Variants in MTIF2 observed in about 807,000 individuals in gnomAD.
MTIF2 encodes the protein mitochondrial translational initiation factor 2, also known as translation initiation factor IF-2, mitochondrial.
Under a neutral mutation model 83.5 loss-of-function variants are expected in MTIF2, and 71 were observed. The ratio of observed to expected loss-of-function variants is 0.85; its 90% CI spans 0.70 to 1.04. The LOEUF is 1.04. Among genes scored for constraint, MTIF2 ranks in the 50% least tolerant of loss-of-function variants. The pLI is 0.00. For missense variants in MTIF2, 957 were observed against 846.5 expected, an observed-to-expected ratio of 1.13 and a Z score of -1.62; for synonymous variants, 319 against 287.1, an observed-to-expected ratio of 1.11 and a Z score of -1.12.
intron 6 of MTIF2, among the ~76,000 whole-genome samples, 177 bp from the exon 7 acceptor site, chr2:55,254,378 C>CTACCTG (rs1202506874): frequency 6.6e-6 from 1 of 152,114 alleles, no homozygotes; most frequent in African/African-American, 2.4e-5. Context: ...AACTGCCTAC[C>CTACCTG]TACCTGTGGT....
intron 5 of MTIF2, among the ~76,000 whole-genome samples, chr2:55,261,136 G>A (rs1188391113): frequency 1.3e-5 from 2 of 151,870 alleles, no homozygotes; most frequent in Non-Finnish European, 2.9e-5. Flanking sequence ...ACAGGCGCCC[G>A]CCACTAGGCC....
intron 5 of MTIF2, among the ~76,000 whole-genome samples, chr2:55,257,330 A>G (rs1218951832): frequency 1.3e-5 from 2 of 152,030 alleles, no homozygotes; most frequent in African/African-American, 4.8e-5. Context: ...AAATACAAAA[A>G]ATTAGCTGGG....
chr2:55,249,734 T>C (rs1676958463), intron 8 of MTIF2, among the ~76,000 whole-genome samples, 200 bp from the exon 9 acceptor site: 1 of 152,058 alleles, frequency 6.6e-6, no homozygotes, highest in African/African-American at 2.4e-5. Context: ...AGATGCAAGA[T>C]GTTAAAAGTA....
intron 14 of MTIF2, among the ~76,000 whole-genome samples, chr2:55,237,633 T>C (rs1355944954): frequency 1.4e-5 from 2 of 145,796 alleles, no homozygotes; most frequent in African/African-American, 2.5e-5. Flanking sequence ...GGCTATTCTT[T>C]TCCTTTTCTT....
At chr2:55,262,728 TTG>T (rs869269959) in intron 4 of MTIF2, among the ~76,000 whole-genome samples, 12 of 149,324 alleles carry the variant, frequency 8.0e-5, no homozygotes, top group East Asian at 2.0e-4. Flanking sequence ...TTTTTTTTTT[TTG>T]TTTTTTGTTT....
At chr2:55,251,564 G>C (rs1033312782) in intron 8 of MTIF2, among the ~76,000 whole-genome samples, 2 of 152,146 alleles carry the variant, frequency 1.3e-5, no homozygotes, top group African/African-American at 4.8e-5. Context: ...ACTTTATCGA[G>C]TACATTTTCT....
intron 15 of MTIF2, 133 bp downstream of exon 15, chr2:55,237,155 G>C (rs1388803654): frequency 2.9e-6 from 3 of 1,030,348 alleles, no homozygotes; most frequent in Non-Finnish European, 2.8e-6. Context: ...ACAATTTAGG[G>C]GTTTCAATAG....
At chr2:55,257,212 G>A (rs1346394282) in intron 5 of MTIF2, among the ~76,000 whole-genome samples, 1 of 152,152 alleles carries the variant, frequency 6.6e-6, no homozygotes, top group African/African-American at 2.4e-5. Flanking sequence ...GGGTGCGGTG[G>A]CTCACACCTA....
intron 13 of MTIF2, 138 bp downstream of exon 13, chr2:55,242,802 G>C (rs553874992): frequency 4.8e-4 from 382 of 788,746 alleles, no homozygotes; most frequent in Non-Finnish European, 5.7e-4. Flanking sequence ...ATTGCTAGCT[G>C]GGACTGGACT....
At chr2:55,262,556 T>TTC in intron 4 of MTIF2, 129 bp from the exon 5 acceptor site, 1 of 617,426 alleles carries the variant, frequency 1.6e-6, no homozygotes, top group Non-Finnish European at 2.7e-6. Context: ...TTTTTTTTTT[T>TTC]TTTTGAGACA....
intron 13 of MTIF2, among the ~76,000 whole-genome samples, chr2:55,241,621 T>C (rs1156996684): frequency 6.6e-6 from 1 of 151,522 alleles, no homozygotes; most frequent in East Asian, 1.9e-4. Context: ...GGTGGGTGGA[T>C]CACGTGAGGT....
rs1177740212 is a variant in MTIF2, at chr2:55,243,919, C to T, written c.1311+110G>A. 34 of 1,060,676 alleles carry T rather than the reference C, an allele frequency of 3.2e-5. No homozygotes were observed. The East Asian group carries it at 8.4e-4, about 26-fold the overall frequency. The allele number at this position is 1,060,676 out of a possible 1,614,324, so 65.7% of individuals were successfully genotyped here. ...AGCACAACTTGCATCCTCACAGCCC[C>T]TTATAATCTAGATTTGTTAACATTA... is the stretch of plus-strand genomic sequence containing the variant. On this transcript the variant is annotated intron_variant, in intron 11 of 15. Transcript: ENST00000263629.
chr2:55,243,968 G>A, intron 11 of MTIF2, 61 bp downstream of exon 11: 2 of 1,342,234 alleles, frequency 1.5e-6, no homozygotes, highest in South Asian at 1.4e-5. Flanking sequence ...GTATAACATT[G>A]TAAACTGGCA....
At chr2:55,261,396 A>G (rs976981345) in intron 5 of MTIF2, among the ~76,000 whole-genome samples, 1 of 151,956 alleles carries the variant, frequency 6.6e-6, no homozygotes. Context: ...ACTTGAGGTC[A>G]GGAATTTGAG....
chr2:55,244,098 C>T lies in MTIF2; in HGVS notation c.1242G>A (p.Met414Ile). 1 of 1,614,146 alleles carries T rather than the reference C, an allele frequency of 6.2e-7. No individual in the cohort carries two copies. Among genetic ancestry groups the T allele is most frequent in the Non-Finnish European group, 8.5e-7 (1 of 1,180,012 alleles). Reference sequence around the variant, plus strand: ...CTCTCCAGCCTGTAATTCCCACTGGCATGCTGGGATAGGCCTCATCAATTG... The same window carrying T: ...CTCTCCAGCCTGTAATTCCCACTGGTATGCTGGGATAGGCCTCATCAATTG... ...GKTIDEAYPS[M>I]PVGITGWRDL... The change falls in exon 11 of 16, where the codon ATG becomes ATA. Residue 414 changes from methionine (M) to isoleucine (I), a missense_variant. Coordinates refer to ENST00000263629, the MANE Select transcript of MTIF2 (RefSeq NM_002453.3).
rs1573923565 is a variant in MTIF2 at position 55,263,750 on chromosome 2, A to C, written c.109T>G (p.Phe37Val). The change falls in exon 4 of 16, where the codon TTT becomes GTT. Residue 37 changes from phenylalanine (F) to valine (V), a missense_variant. Coordinates refer to ENST00000263629, the MANE Select transcript of MTIF2 (RefSeq NM_002453.3). ...RRALRQWRHG[F>V]SSAYPVWTAQ... Reference sequence around the variant, plus strand: ...GTCCACACAGGGTAAGCAGATGAAAACCCATGCCTCCACTGTCTTAATGCT... The same window carrying C: ...GTCCACACAGGGTAAGCAGATGAAACCCCATGCCTCCACTGTCTTAATGCT... 6.2e-7 allele frequency: 1 copy of C among 1,614,110 alleles called. No individual in the cohort carries two copies.
At chr2:55,246,192 C>G (rs1676685495) in intron 10 of MTIF2, 145 bp downstream of exon 10, 7 of 987,256 alleles carry the variant, frequency 7.1e-6, no homozygotes, top group Non-Finnish European at 1.0e-5. Flanking sequence ...TTAGTACAAA[C>G]AATAAAATAC....
intron 9 of MTIF2, among the ~76,000 whole-genome samples, chr2:55,249,036 G>C (rs1414869378): frequency 6.6e-5 from 10 of 152,148 alleles, no homozygotes; most frequent in Admixed American, 6.5e-4. Context: ...CTACTCAAGA[G>C]GCTGAGGTGG....
intron 13 of MTIF2, among the ~76,000 whole-genome samples, chr2:55,241,164 T>G (rs551877514): frequency 4.0e-5 from 6 of 151,550 alleles, no homozygotes; most frequent in Non-Finnish European, 8.8e-5. Context: ...ACGCCTGTAA[T>G]CCCAGCACTT....
Sources: allele counts gnomAD v4.1 joint callset (sites outside exome capture counted in the v4.1 genomes callset), GRCh38; gene constraint gnomAD v4.1.1; transcripts MANE v1.5; gene names NCBI Gene and HGNC (gene_info 2026-07-23, HGNC 2026-07-21).